Variants in FUBP3 observed in about 807,000 individuals in gnomAD.
FUBP3 encodes far upstream element-binding protein 3.
FUBP3 carries 28 observed loss-of-function variants against 85.6 expected under a neutral mutation model. The ratio of observed to expected loss-of-function variants is 0.33; its 90% CI spans 0.24 to 0.45. The LOEUF is 0.45. Ranked by LOEUF, FUBP3 falls within the 20% of genes least tolerant of loss-of-function variation. The pLI is 1.00. For missense variants in FUBP3, 583 were observed against 755.1 expected, an observed-to-expected ratio of 0.77 and a Z score of 2.67; for synonymous variants, 271 against 271.4, an observed-to-expected ratio of 1.00 and a Z score of 0.01.
chr9:130,607,348 T>C (rs1449638716), intron 2 of FUBP3, among the ~76,000 whole-genome samples: 1 of 151,820 alleles, frequency 6.6e-6, no homozygotes, highest in Non-Finnish European at 1.5e-5. Context: ...ATTTATGATA[T>C]CGTAGGATGA....
intron 1 of FUBP3, among the ~76,000 whole-genome samples, chr9:130,593,398 G>A (rs1464450852): frequency 1.3e-5 from 2 of 152,196 alleles, no homozygotes; most frequent in Non-Finnish European, 2.9e-5. Flanking sequence ...CATTTGTTGG[G>A]TGAATTGCCT....
chr9:130,590,225 A>G (rs1040198966), intron 1 of FUBP3, among the ~76,000 whole-genome samples: 13 of 151,934 alleles, frequency 8.6e-5, no homozygotes, highest in Non-Finnish European at 1.6e-4. Context: ...CACCTTGTGC[A>G]TTTTTCTTGG....
intron 1 of FUBP3, among the ~76,000 whole-genome samples, chr9:130,589,385 C>T (rs930177112): frequency 6.9e-6 from 1 of 145,312 alleles, no homozygotes; most frequent in African/African-American, 2.4e-5. Flanking sequence ...GCTCTTGTCC[C>T]CAGGCTGGAG....
chr9:130,622,597 C>G (rs1472965115), intron 9 of FUBP3, 111 bp from the exon 10 acceptor site: 2 of 522,038 alleles, frequency 3.8e-6, no homozygotes. Flanking sequence ...TGCCACTGCA[C>G]TCCAGCCTGG....
At position 130,616,592 on chromosome 9, in the gene FUBP3, T is replaced by G; in HGVS notation, c.567+75T>G. On this transcript the variant is annotated intron_variant, in intron 7 of 18. Transcript: ENST00000319725. The surrounding 1 kb of genome is among the most constrained non-coding windows in gnomAD (Gnocchi z 4.7). The stretch of plus-strand genomic sequence containing the variant: ...CAGCTTCCTGGCCCAGGAGATCTGC[T>G]TACGGCTGGCATTCCCTGGCTGGGC... The G allele has an allele frequency of 7.1e-7, 1 of 1,412,918 alleles. No individual in the cohort carries two copies. Among genetic ancestry groups the G allele is most frequent in the East Asian group, 2.3e-5 (1 of 43,832 alleles). The allele number at this position is 1,412,918 out of a possible 1,614,324, so 87.5% of individuals were successfully genotyped here.
At chr9:130,626,322 G>T in intron 11 of FUBP3, 42 bp from the exon 12 acceptor site, 1 of 1,585,166 alleles carries the variant, frequency 6.3e-7, no homozygotes, top group Non-Finnish European at 8.6e-7. Flanking sequence ...CAGTGGTGCT[G>T]TGGCAGTGGC....
At chr9:130,596,947 A>G (rs1385031255) in intron 2 of FUBP3, among the ~76,000 whole-genome samples, 1 of 152,072 alleles carries the variant, frequency 6.6e-6, no homozygotes, top group Non-Finnish European at 1.5e-5. Context: ...TTTAAAATGT[A>G]CAATTAAGTT....
At chr9:130,593,042 A>C (rs913832208) in intron 1 of FUBP3, among the ~76,000 whole-genome samples, 4 of 151,274 alleles carry the variant, frequency 2.6e-5, no homozygotes, top group Non-Finnish European at 5.9e-5. Flanking sequence ...ATACCTACCA[A>C]GCTTGCTCCT....
intron 10 of FUBP3, 31 bp downstream of exon 10, chr9:130,622,841 T>C (rs1338581647): frequency 1.9e-6 from 2 of 1,062,764 alleles, no homozygotes; most frequent in Non-Finnish European, 2.8e-6. Context: ...ATCCTTAGTG[T>C]TAAAAAAAAA....
At chr9:130,603,298 A>C (rs1831247603) in intron 2 of FUBP3, among the ~76,000 whole-genome samples, 1 of 146,518 alleles carries the variant, frequency 6.8e-6, no homozygotes, top group African/African-American at 2.6e-5. Flanking sequence ...AGTGAGCTGA[A>C]ACCGTGTCAC....
At position 130,579,639 on chromosome 9, in the gene FUBP3, TCGGCGGCGTCGGCGG is replaced by T. The variant is rs763433551; in HGVS notation, c.-33_-19del. On this transcript the variant is annotated 5_prime_UTR_variant, in exon 1 of 19. Coordinates refer to ENST00000319725, the MANE Select transcript of FUBP3 (RefSeq NM_003934.2). ...CGGACCGGGGAGCCGAGCGGCGGCG[TCGGCGGCGTCGGCGG>T]CGGCGGCGACGGCGGCGGGGGCGGT... 17 of 1,159,630 alleles carry T rather than the reference TCGGCGGCGTCGGCGG, an allele frequency of 1.5e-5. No individual in the cohort carries two copies. Among genetic ancestry groups the T allele is most frequent in the East Asian group, 9.7e-5 (3 of 30,780 alleles). 71.8% of individuals were successfully genotyped at this position (1,159,630 alleles called of 1,614,324 possible). A position where few individuals can be genotyped will look rare whatever the true frequency, so the allele number is the denominator to read the frequency against.
chr9:130,619,958 G>A (rs535721142), intron 8 of FUBP3, among the ~76,000 whole-genome samples: 117 of 152,274 alleles, frequency 7.7e-4, no homozygotes, highest in African/African-American at 2.7e-3. Context: ...CTCAGTGGGC[G>A]CTCTTAGACA....
intron 1 of FUBP3, among the ~76,000 whole-genome samples, chr9:130,595,165 G>A (rs1216924227): frequency 6.7e-6 from 1 of 148,876 alleles, no homozygotes; most frequent in African/African-American, 2.5e-5. Flanking sequence ...GGCAAAGGTT[G>A]CGGTGAGCCA....
chr9:130,634,765 G>A (rs377300244), intron 17 of FUBP3, 27 bp downstream of exon 17: 1 of 1,565,282 alleles, frequency 6.4e-7, no homozygotes, highest in Non-Finnish European at 8.8e-7. Context: ...CCTAACCTGT[G>A]GCAGCACAGT....
At chr9:130,610,560 C>A (rs1420958649) in intron 3 of FUBP3, among the ~76,000 whole-genome samples, 2 of 152,134 alleles carry the variant, frequency 1.3e-5, no homozygotes, top group African/African-American at 4.8e-5. Context: ...TAGAGAGATA[C>A]AGAAAGAGCC....
chr9:130,630,891 G>T, intron 13 of FUBP3, 103 bp downstream of exon 13: 1 of 908,290 alleles, frequency 1.1e-6, no homozygotes, highest in East Asian at 3.2e-5. Flanking sequence ...TTGTGCCTGT[G>T]GGTTCTCACA....
At chr9:130,599,623 G>A (rs1378521364) in intron 2 of FUBP3, among the ~76,000 whole-genome samples, 3 of 152,024 alleles carry the variant, frequency 2.0e-5, no homozygotes, top group African/African-American at 4.8e-5. Flanking sequence ...TCACTCCACC[G>A]CCCTCCAGCT....
At chr9:130,606,569 C>T (rs1458431924) in intron 2 of FUBP3, among the ~76,000 whole-genome samples, 2 of 152,036 alleles carry the variant, frequency 1.3e-5, no homozygotes, top group South Asian at 2.1e-4. Flanking sequence ...GCCTGTAATC[C>T]CAGCACTTTG....
At position 130,637,034 on chromosome 9, in the gene FUBP3, C is replaced by T. The variant is rs780747066; in HGVS notation, c.*12C>T. On this transcript the variant is annotated 3_prime_UTR_variant, in exon 19 of 19. Transcript: ENST00000319725. ...CACAGGAGCAGTAGGACAGCGTCCT[C>T]GTGGCCAACTCTCCCCTCAAAATCA... is the stretch of plus-strand genomic sequence containing the variant. 2.2e-5 allele frequency: 36 copies of T among 1,607,270 alleles called. No homozygotes were observed. The highest frequency in any genetic ancestry group is 1.6e-4 in the Middle Eastern group (1 of 6,070).
Sources: allele counts gnomAD v4.1 joint callset (sites outside exome capture counted in the v4.1 genomes callset), GRCh38; gene constraint gnomAD v4.1.1; non-coding constraint Gnocchi (gnomAD v3.1); transcripts MANE v1.5; gene names NCBI Gene and HGNC (gene_info 2026-07-23, HGNC 2026-07-21).